ZNF608: variants seen among roughly 807,000 people sequenced by gnomAD.
The protein encoded by ZNF608 is zinc finger protein 608.
Under a neutral mutation model 109.0 loss-of-function variants are expected in ZNF608, and 12 were observed. That is an observed-to-expected ratio of 0.11 (90% CI 0.07 to 0.18). ZNF608 has a LOEUF of 0.18. Among genes scored for constraint, ZNF608 ranks in the 10% least tolerant of loss-of-function variants. ZNF608 has a pLI of 1.00. For missense variants in ZNF608, 1,707 were observed against 1,879.3 expected, an observed-to-expected ratio of 0.91 and a Z score of 1.70; for synonymous variants, 732 against 717.4, an observed-to-expected ratio of 1.02 and a Z score of -0.33.
intron 3 of ZNF608, among the ~76,000 whole-genome samples, chr5:124,695,553 C>A (rs905650849): frequency 6.7e-6 from 1 of 150,042 alleles, no homozygotes; most frequent in East Asian, 2.0e-4. Flanking sequence ...TTGCTTGAGC[C>A]CAGGGGTTCG....
intron 3 of ZNF608, among the ~76,000 whole-genome samples, chr5:124,660,319 C>T (rs184934006): frequency 7.9e-4 from 120 of 152,256 alleles, no homozygotes; most frequent in African/African-American, 2.8e-3. Flanking sequence ...TCAGAGAAAC[C>T]AGACTCAGTT....
At chr5:124,671,493 C>T (rs1253416149) in intron 3 of ZNF608, among the ~76,000 whole-genome samples, 1 of 152,180 alleles carries the variant, frequency 6.6e-6, no homozygotes, top group Non-Finnish European at 1.5e-5. Flanking sequence ...ATTTCTCAAC[C>T]TTCTCTTCTA....
intron 3 of ZNF608, among the ~76,000 whole-genome samples, chr5:124,692,821 C>CT (rs1350943939): frequency 2.6e-5 from 4 of 152,118 alleles, no homozygotes; most frequent in Non-Finnish European, 4.4e-5. Flanking sequence ...CTTATTTTGG[C>CT]TTTTTTTCTG....
In ZNF608 at chr5:124,649,681, A is replaced by G. The variant is rs754556002; in HGVS notation, c.1179T>C (p.Asn393=). Residue 393 remains asparagine (N), a synonymous_variant, in exon 4 of 10, where the codon AAT becomes AAC. Transcript: ENST00000513986. The part of the protein sequence containing the change: ...HETEEGVLVV[N]VTWRNKTYVG... ...CGTACGTTTTGTTCCTCCACGTGAC[A>G]TTGACCACTAGGACACCTGCAGGAG... is the stretch of plus-strand genomic sequence containing the variant. 4.4e-6 allele frequency: 7 copies of G among 1,605,868 alleles called. No individual in the cohort carries two copies. In the South Asian group the frequency reaches 6.7e-5, roughly 15 times the overall value.
At chr5:124,741,118 T>C (rs1336685632) in intron 2 of ZNF608, among the ~76,000 whole-genome samples, 2 of 152,148 alleles carry the variant, frequency 1.3e-5, no homozygotes, top group Non-Finnish European at 2.9e-5. Flanking sequence ...GCTACAGAAA[T>C]ATAGCTCAAA....
At chr5:124,737,809 C>CT (rs1302279212) in intron 2 of ZNF608, among the ~76,000 whole-genome samples, 1 of 152,206 alleles carries the variant, frequency 6.6e-6, no homozygotes. Context: ...AACAGCCCAA[C>CT]TGCTGGTCAA....
chr5:124,648,372 T>C lies in ZNF608; in HGVS notation c.2012A>G (p.Asn671Ser), dbSNP rs1280302955. The change falls in exon 5 of 10, where the codon AAC becomes AGC. Residue 671 changes from asparagine (N) to serine (S), a missense_variant. Physicochemically the swap from Asn to Ser is conservative, Grantham distance 46 (BLOSUM62 1). This residue lies in a region of ZNF608 where 1,073 missense variants were observed against 1,133.5 expected (regional missense o/e 0.95). Coordinates refer to ENST00000513986, the MANE Select transcript of ZNF608 (RefSeq NM_020747.3). Reference sequence around the variant, plus strand: ...CATGTTGGAGATTACTGGAAGGTTGTTCAGTTCATTGTTAAGGCCCTTCTT... The same window carrying C: ...CATGTTGGAGATTACTGGAAGGTTGCTCAGTTCATTGTTAAGGCCCTTCTT... Reference protein sequence around the residue: ...GKKKGLNNELNNLPVISNMTA... With the variant: ...GKKKGLNNELSNLPVISNMTA... 1 of 1,614,108 alleles carries C rather than the reference T, an allele frequency of 6.2e-7. No homozygotes were observed. The highest frequency in any genetic ancestry group is 8.5e-7 in the Non-Finnish European group (1 of 1,180,046).
intron 2 of ZNF608, among the ~76,000 whole-genome samples, chr5:124,707,133 T>G (rs1753295639): frequency 6.6e-6 from 1 of 152,188 alleles, no homozygotes; most frequent in African/African-American, 2.4e-5. Flanking sequence ...CAGCTTTTCA[T>G]CACTGGGGCA....
intron 3 of ZNF608, among the ~76,000 whole-genome samples, chr5:124,679,220 G>T (rs759736804): frequency 6.6e-6 from 1 of 152,140 alleles, no homozygotes; most frequent in Non-Finnish European, 1.5e-5. Flanking sequence ...AGAACAGCAC[G>T]GACTCCATGC....
Position 124,646,892 on chromosome 5 carries a change from T to C in ZNF608, c.3492A>G (p.Lys1164=). The C allele has an allele frequency of 6.2e-7, 1 of 1,614,200 alleles. No homozygotes were observed. The highest frequency in any genetic ancestry group is 1.3e-5 in the African/African-American group (1 of 75,046). The part of the protein sequence containing the change: ...SKAPSTPEPN[K]NHSKLGPSVP... ...CTGATGGCCCTAGTTTAGAATGGTT[T>C]TTGTTAGGCTCCGGAGTAGAGGGAG... The change falls in exon 5 of 10, where the codon AAA becomes AAG. Residue 1164 remains lysine (K), a synonymous_variant. Transcript: ENST00000513986.
chr5:124,682,869 T>C (rs999426407), intron 3 of ZNF608, among the ~76,000 whole-genome samples: 4 of 152,248 alleles, frequency 2.6e-5, no homozygotes, highest in African/African-American at 4.8e-5. Flanking sequence ...TGGCCCCTAA[T>C]GACCACTGCC....
At chr5:124,718,698 T>C (rs1056073981) in intron 2 of ZNF608, among the ~76,000 whole-genome samples, 1 of 152,184 alleles carries the variant, frequency 6.6e-6, no homozygotes, top group Non-Finnish European at 1.5e-5. Flanking sequence ...CTCTTCTCTG[T>C]TGAATTGGCC....
chr5:124,647,938 T>C lies in ZNF608; in HGVS notation c.2446A>G (p.Lys816Glu). The C allele has an allele frequency of 6.2e-7, 1 of 1,614,108 alleles. No homozygotes were observed. The highest frequency in any genetic ancestry group is 8.5e-7 in the Non-Finnish European group (1 of 1,180,016). Reference sequence around the variant, plus strand: ...CCTTCTTTGTCCTTTAGCTTTCGCTTCTCCTTTTTCTTTTTGTCTTTGAGT... The same window carrying C: ...CCTTCTTTGTCCTTTAGCTTTCGCTCCTCCTTTTTCTTTTTGTCTTTGAGT... ...VSLKDKKKKE[K>E]RKLKDKEGKE... The change falls in exon 5 of 10, where the codon AAG becomes GAG. Residue 816 changes from lysine (K) to glutamate (E), a missense_variant. Around this residue, in one of 7 missense-constraint regions of ZNF608, gnomAD observed 1,073 missense variants for 1,133.5 expected, o/e 0.95. Coordinates refer to ENST00000513986, the MANE Select transcript of ZNF608 (RefSeq NM_020747.3).
intron 5 of ZNF608, 142 bp from the exon 6 acceptor site, chr5:124,644,803 T>C: frequency 1.4e-6 from 1 of 731,726 alleles, no homozygotes; most frequent in Non-Finnish European, 2.1e-6. Flanking sequence ...TGCTAGACAC[T>C]GTGCTAATTG....
At chr5:124,713,930 C>T (rs1180908123) in intron 2 of ZNF608, among the ~76,000 whole-genome samples, 1 of 152,140 alleles carries the variant, frequency 6.6e-6, no homozygotes, top group African/African-American at 2.4e-5. Context: ...TACTACCTAA[C>T]TCTCTTAAAA....
Position 124,745,358 on chromosome 5 carries a change from A to G in ZNF608, c.-183-186T>C, listed in dbSNP as rs140581165. 6.6e-4 allele frequency: 157 copies of G among 237,704 alleles called. 2 individuals are homozygous for G. In the East Asian group the frequency reaches 0.016, roughly 23 times the overall value. 14.7% of individuals were successfully genotyped at this position (237,704 alleles called of 1,614,324 possible). On this transcript the variant is annotated intron_variant, in intron 1 of 9. Coordinates refer to ENST00000513986, the MANE Select transcript of ZNF608 (RefSeq NM_020747.3). ...ACCAAACCCGAAAAATAAACCTATG[A>G]CAGTAAGCATCTTACGGTAGCTAAA...
chr5:124,686,981 T>C (rs376600941), intron 3 of ZNF608, among the ~76,000 whole-genome samples: 61 of 152,340 alleles, frequency 4.0e-4, no homozygotes, highest in African/African-American at 1.5e-3. Flanking sequence ...TGTAAAAATA[T>C]TTGGTGAATA....
At chr5:124,742,619 A>G (rs1292881411) in intron 2 of ZNF608, among the ~76,000 whole-genome samples, 1 of 152,252 alleles carries the variant, frequency 6.6e-6, no homozygotes, top group Non-Finnish European at 1.5e-5. Context: ...ATTCATTTAT[A>G]TTCATTAATG....
At chr5:124,688,589 A>G (rs953901384) in intron 3 of ZNF608, among the ~76,000 whole-genome samples, 10 of 152,248 alleles carry the variant, frequency 6.6e-5, no homozygotes, top group Non-Finnish European at 1.5e-4. Context: ...CTACTACATT[A>G]GAAATGTTTG....
Sources: allele counts gnomAD v4.1 joint callset (sites outside exome capture counted in the v4.1 genomes callset), GRCh38; gene constraint gnomAD v4.1.1; regional missense constraint gnomAD v4.1.1; transcripts MANE v1.5; gene names NCBI Gene and HGNC (gene_info 2026-07-23, HGNC 2026-07-21).